Variants in SSBP2 observed in about 807,000 individuals in gnomAD.
SSBP2 encodes single-stranded DNA-binding protein 2.
A neutral mutation model predicts 61.8 loss-of-function variants in SSBP2; 17 were observed. That is an observed-to-expected ratio of 0.28 (90% CI 0.19 to 0.41). The LOEUF (loss-of-function observed/expected upper bound fraction) is 0.41. Among genes scored for constraint, SSBP2 ranks in the 10% least tolerant of loss-of-function variants. The pLI is 1.00. For missense variants in SSBP2, 310 were observed against 458.7 expected (o/e 0.68, Z 2.96); for synonymous variants, 139 against 141.3 (o/e 0.98, Z 0.12).
intron 1 of SSBP2, among the ~76,000 whole-genome samples, chr5:81,688,327 C>T (rs1017579632): frequency 3.3e-5 from 5 of 152,202 alleles, no homozygotes; most frequent in African/African-American, 1.2e-4. Context: ...TCACTGGATC[C>T]GCCCAGGACC....
chr5:81,704,802 A>T (rs1754252647), intron 1 of SSBP2, among the ~76,000 whole-genome samples: 1 of 150,678 alleles, frequency 6.6e-6, no homozygotes, highest in Admixed American at 6.6e-5. Flanking sequence ...TCTCAAAAAA[A>T]AAAAAAAAAA....
rs191041667 is a variant in SSBP2 at position 81,577,823 on chromosome 5, C to G, written c.282+37650G>C. Among the ~76,000 whole-genome samples the G allele has an allele frequency of 1.3e-5, 2 of 151,788 alleles. 1 individual carries two copies. The highest frequency in any genetic ancestry group is 4.2e-4 in the South Asian group (2 of 4,814). ...CAAGATTAACCTTCACAATGTGATA[C>G]AAGAACTTATTGAAAATAGTGGAAG... On this transcript the variant is annotated intron_variant, in intron 4 of 16. Coordinates refer to ENST00000320672, the MANE Select transcript of SSBP2 (RefSeq NM_012446.5).
chr5:81,462,839 C>A (rs182913874), intron 9 of SSBP2, among the ~76,000 whole-genome samples: 1 of 151,950 alleles, frequency 6.6e-6, no homozygotes, highest in East Asian at 1.9e-4. Flanking sequence ...CAGATCCTGG[C>A]AAAATTTATA....
intron 9 of SSBP2, among the ~76,000 whole-genome samples, chr5:81,464,487 T>A (rs1041241010): frequency 2.6e-5 from 4 of 152,162 alleles, no homozygotes; most frequent in Admixed American, 1.3e-4. Flanking sequence ...GTTTAGAGCA[T>A]GAAAACAAAG....
intron 4 of SSBP2, among the ~76,000 whole-genome samples, chr5:81,585,801 A>T (rs1031256743): frequency 6.6e-6 from 1 of 152,110 alleles, no homozygotes; most frequent in Non-Finnish European, 1.5e-5. Flanking sequence ...TTTGACCAGC[A>T]TCTCCCCAGT....
At chr5:81,470,596 G>C (rs1288987218) in intron 8 of SSBP2, among the ~76,000 whole-genome samples, 2 of 151,854 alleles carry the variant, frequency 1.3e-5, no homozygotes, top group Non-Finnish European at 2.9e-5. Context: ...GAATTCAGTT[G>C]TTCTAATAGA....
At chr5:81,580,910 A>G (rs1774592559) in intron 4 of SSBP2, among the ~76,000 whole-genome samples, 1 of 152,164 alleles carries the variant, frequency 6.6e-6, no homozygotes, top group Non-Finnish European at 1.5e-5. Context: ...TCTTCAATAT[A>G]ATTATGTTCA....
At chr5:81,495,732 A>G (rs1767224858) in intron 5 of SSBP2, among the ~76,000 whole-genome samples, 1 of 152,222 alleles carries the variant, frequency 6.6e-6, no homozygotes, top group African/African-American at 2.4e-5. Flanking sequence ...TTGATGTAGC[A>G]ATATATAAGT....
At chr5:81,498,526 A>G (rs1482609445) in intron 5 of SSBP2, among the ~76,000 whole-genome samples, 3 of 152,120 alleles carry the variant, frequency 2.0e-5, no homozygotes, top group African/African-American at 7.2e-5. Flanking sequence ...AAATGACTGT[A>G]AAATTATTTA....
intron 4 of SSBP2, among the ~76,000 whole-genome samples, chr5:81,596,919 A>G (rs868198492): frequency 6.7e-6 from 1 of 149,836 alleles, no homozygotes; most frequent in Non-Finnish European, 1.5e-5. Context: ...CATTCAGGAC[A>G]CAGGCACGGG....
intron 1 of SSBP2, among the ~76,000 whole-genome samples, chr5:81,691,134 A>C (rs991317695): frequency 2.0e-5 from 3 of 152,094 alleles, no homozygotes; most frequent in African/African-American, 7.2e-5. Context: ...AACTTCAAAT[A>C]AACAATCTAA....
intron 4 of SSBP2, among the ~76,000 whole-genome samples, chr5:81,540,328 G>A (rs144704033): frequency 1.1e-4 from 16 of 152,218 alleles, no homozygotes; most frequent in Middle Eastern, 3.4e-3. Flanking sequence ...ACTGTCTTCC[G>A]CAATGGTTGA....
intron 4 of SSBP2, among the ~76,000 whole-genome samples, chr5:81,600,260 T>C (rs201668234): frequency 1.3e-5 from 2 of 152,196 alleles, no homozygotes; most frequent in South Asian, 2.1e-4. Flanking sequence ...AGATCCTACA[T>C]ACATTTTAGT....
Position 81,584,817 on chromosome 5 carries a change from T to C in SSBP2, c.282+30656A>G, listed in dbSNP as rs1210965661. 2.6e-5 allele frequency among the ~76,000 whole-genome samples: 4 copies of C among 152,140 alleles called. No homozygotes were observed. In the South Asian group the frequency reaches 6.2e-4, roughly 24 times the overall value. ...CACAAGATAAAAATTATGTTAAGTATATGCCTAATCTAATTCACTAGGATG... is the reference window on the plus strand; with the variant it reads ...CACAAGATAAAAATTATGTTAAGTACATGCCTAATCTAATTCACTAGGATG... On this transcript the variant is annotated intron_variant, in intron 4 of 16. Coordinates refer to ENST00000320672, the MANE Select transcript of SSBP2 (RefSeq NM_012446.5).
At chr5:81,595,652 T>C (rs1000170930) in intron 4 of SSBP2, among the ~76,000 whole-genome samples, 1 of 152,176 alleles carries the variant, frequency 6.6e-6, no homozygotes, top group Non-Finnish European at 1.5e-5. Flanking sequence ...TATGATCAAG[T>C]GGGCTTCATC....
At chr5:81,502,052 C>A (rs894737122) in intron 5 of SSBP2, among the ~76,000 whole-genome samples, 1 of 152,108 alleles carries the variant, frequency 6.6e-6, no homozygotes, top group African/African-American at 2.4e-5. Context: ...CCACCTACTG[C>A]CTCATTTTTC....
chr5:81,642,028 G>A (rs2153689702), intron 2 of SSBP2, among the ~76,000 whole-genome samples: 1 of 152,266 alleles, frequency 6.6e-6, no homozygotes, highest in African/African-American at 2.4e-5. Context: ...TAGGGAAAAG[G>A]AGGACTTTCA....
intron 4 of SSBP2, among the ~76,000 whole-genome samples, chr5:81,589,868 A>G (rs1775359316): frequency 6.6e-6 from 1 of 151,964 alleles, no homozygotes; most frequent in Admixed American, 6.6e-5. Context: ...CAAGAGGGTG[A>G]GAGAGGGAGA....
At chr5:81,526,508 A>C (rs913815513) in intron 4 of SSBP2, among the ~76,000 whole-genome samples, 16 of 152,054 alleles carry the variant, frequency 1.1e-4, no homozygotes, top group Non-Finnish European at 2.9e-5. Flanking sequence ...GTTATGAAAT[A>C]CTGAGTAATA....
Sources: allele counts gnomAD v4.1 joint callset (sites outside exome capture counted in the v4.1 genomes callset), GRCh38; gene constraint gnomAD v4.1.1; transcripts MANE v1.5; gene names NCBI Gene and HGNC (gene_info 2026-07-23, HGNC 2026-07-21).